DDX41: variants seen among roughly 807,000 people sequenced by gnomAD.
DDX41 encodes DEAD-box helicase 41.
Under a neutral mutation model 78.8 loss-of-function variants are expected in DDX41, and 50 were observed. The observed-to-expected ratio is 0.63, with a 90% CI of 0.51 to 0.80. DDX41 has a LOEUF of 0.80. Among genes scored for constraint, DDX41 ranks in the 30% least tolerant of loss-of-function variants. DDX41 has a pLI of 0.00. For synonymous variants in DDX41, 381 were observed against 321.5 expected, an observed-to-expected ratio of 1.19 and a Z score of -1.98; for missense variants, 633 against 849.2, an observed-to-expected ratio of 0.75 and a Z score of 3.16.
chr5:177,513,060 T>G lies in DDX41; in HGVS notation c.1253A>C (p.Glu418Ala). Reference sequence around the variant, plus strand: ...CTCGAGCAGGTACACCATCTTGGCCTCCTCCTTCACATATTCTACCTCCTG... The same window carrying G: ...CTCGAGCAGGTACACCATCTTGGCCGCCTCCTTCACATATTCTACCTCCTG... ...VIQEVEYVKE[E>A]AKMVYLLECL... Residue 418 changes from glutamate to alanine, a missense_variant, in exon 12 of 17, where the codon GAG (glutamate) becomes GCG (alanine). By Grantham distance (107) the Glu-to-Ala change is moderately radical. Around this residue, in one of 6 missense-constraint regions of DDX41, gnomAD observed 185 missense variants for 367.4 expected, o/e 0.50. Transcript: ENST00000330503. The surrounding 1 kb of genome is among the most constrained non-coding windows in gnomAD (Gnocchi z 4.6). 1 of 1,613,914 alleles carries G rather than the reference T, an allele frequency of 6.2e-7. No homozygotes were observed. Among genetic ancestry groups the G allele is most frequent in the Non-Finnish European group, 8.5e-7 (1 of 1,179,926 alleles).
chr5:177,511,612 TA>T lies in DDX41; in HGVS notation c.*178del. ...GTTTGGGCTTTAATGGCAGCTGGGGTAAAAGGAAACAAAAACAGTAATTCTG... is the reference window on the plus strand; with the variant it reads ...GTTTGGGCTTTAATGGCAGCTGGGGTAAAGGAAACAAAAACAGTAATTCTG... On this transcript the variant is annotated 3_prime_UTR_variant, in exon 17 of 17. Transcript: ENST00000330503. 3.6e-6 allele frequency: 3 copies of T among 833,874 alleles called. No individual in the cohort carries two copies. Among genetic ancestry groups the T allele is most frequent in the Non-Finnish European group, 5.4e-6 (3 of 550,992 alleles). 51.7% of individuals were successfully genotyped at this position (833,874 alleles called of 1,614,324 possible). A position where few individuals can be genotyped will look rare whatever the true frequency, so the allele number is the denominator to read the frequency against.
In DDX41 at chr5:177,515,216, G is replaced by T. The variant is rs1188918884; in HGVS notation, c.614C>A (p.Thr205Lys). Reference sequence around the variant, plus strand: ...GGGGATGCCCTGGATCTGAATGGGTGTTGGGTGGTGAATGCCTTTCTTCTT... The same window carrying T: ...GGGGATGCCCTGGATCTGAATGGGTTTTGGGTGGTGAATGCCTTTCTTCTT... The part of the protein sequence containing the change: ...GLKKKGIHHP[T>K]PIQIQGIPTI... Residue 205 changes from threonine (T) to lysine (K), a missense_variant, in exon 7 of 17, where the codon ACA becomes AAA. Physicochemically the swap from Thr to Lys is moderately conservative, Grantham distance 78 (BLOSUM62 -1). This residue lies in a region of DDX41 where 126 missense variants were observed against 115.5 expected (regional missense o/e 1.09). Transcript: ENST00000330503. 1 of 1,613,944 alleles carries T rather than the reference G, an allele frequency of 6.2e-7. No individual in the cohort carries two copies. The highest frequency in any genetic ancestry group is 1.3e-5 in the African/African-American group (1 of 74,912).
chr5:177,516,740 C>T lies in DDX41; in HGVS notation c.123G>A (p.Gln41=). 1 of 1,606,456 alleles carries T rather than the reference C, an allele frequency of 6.2e-7. No homozygotes were observed. Among genetic ancestry groups the T allele is most frequent in the Non-Finnish European group, 8.5e-7 (1 of 1,177,020 alleles). The change falls in exon 2 of 17, where the codon CAG becomes CAA. Residue 41 remains glutamine, a synonymous_variant. Coordinates refer to ENST00000330503, the MANE Select transcript of DDX41 (RefSeq NM_016222.4). The part of the protein sequence containing the change: ...EDYVPYVPLR[Q]RRQLLLQKLL... ...TGCCCCTCACCAGTAGCTGCCGGCG[C>T]TGCCGTAACGGCACATAGGGCACGT...
At position 177,515,695 on chromosome 5, in the gene DDX41, C is replaced by T; in HGVS notation, c.561G>A (p.Lys187=). ...PPPIKSFKEM[K]FPAAILRGLK... is the part of the protein sequence containing the mutation. ...CCAGCCCCTGACTACCTGCAGGAAA[C>T]TTCATTTCCTTGAAGCTCTTGATGG... Residue 187 remains lysine, a synonymous_variant, in exon 6 of 17, where the codon AAG becomes AAA. Transcript: ENST00000330503. The T allele has an allele frequency of 6.2e-7, 1 of 1,614,106 alleles. No individual in the cohort carries two copies.
chr5:177,515,090 G>A lies in DDX41; in HGVS notation c.645-21C>T, dbSNP rs114125242. The A allele has an allele frequency of 3.0e-4, 487 of 1,611,716 alleles. 3 individuals carry two copies. In the African/African-American group the frequency reaches 4.9e-3, roughly 16 times the overall value. On this transcript the variant is annotated intron_variant, in intron 7 of 16. Coordinates refer to ENST00000330503, the MANE Select transcript of DDX41 (RefSeq NM_016222.4). ...ATAGACTGTTGGGAGAGGATGACCC[G>A]AGGGCCAATTTCAACAGAAGATGAA...
chr5:177,516,797 G>A lies in DDX41; in HGVS notation c.66C>T (p.Arg22=). 1 of 1,612,676 alleles carries A rather than the reference G, an allele frequency of 6.2e-7. No homozygotes were observed. Among genetic ancestry groups the A allele is most frequent in the Non-Finnish European group, 8.5e-7 (1 of 1,179,826 alleles). The change falls in exon 2 of 17, where the codon CGC becomes CGT. Residue 22 remains arginine, a synonymous_variant. Transcript: ENST00000330503. ...CGTCGTCCTCATCTTCCGCCTCGGAGCGGCTTCCTCCGGCAGGCACCTCGT... is the reference window on the plus strand; with the variant it reads ...CGTCGTCCTCATCTTCCGCCTCGGAACGGCTTCCTCCGGCAGGCACCTCGT... ...RTDEVPAGGS[R]SEAEDEDDED... is the part of the protein sequence containing the mutation.
rs1761050435 is a variant in DDX41, at chr5:177,513,030, A to G, written c.1283T>C (p.Leu428Pro). 1.2e-6 allele frequency: 2 copies of G among 1,613,760 alleles called. No homozygotes were observed. Among genetic ancestry groups the G allele is most frequent in the Non-Finnish European group, 1.7e-6 (2 of 1,179,836 alleles). Reference sequence around the variant, plus strand: ...ACTCACAGGCGGGGGTGTCTTCTGCAGGCACTCGAGCAGGTACACCATCTT... The same window carrying G: ...ACTCACAGGCGGGGGTGTCTTCTGCGGGCACTCGAGCAGGTACACCATCTT... ...EAKMVYLLEC[L>P]QKTPPPVLIF... The change falls in exon 12 of 17, where the codon CTG becomes CCG. Residue 428 changes from leucine (L) to proline (P), a missense_variant. Physicochemically the swap from Leu to Pro is moderately conservative, Grantham distance 98. Transcript: ENST00000330503. The surrounding 1 kb of genome is among the most constrained non-coding windows in gnomAD (Gnocchi z 4.6).
In DDX41 at chr5:177,512,622, T is replaced by C; in HGVS notation, c.1423A>G (p.Ile475Val). 6.2e-7 allele frequency: 1 copy of C among 1,614,136 alleles called. No individual in the cohort carries two copies. The highest frequency in any genetic ancestry group is 8.5e-7 in the Non-Finnish European group (1 of 1,180,034). Residue 475 changes from isoleucine (I) to valine (V), a missense_variant, in exon 14 of 17, where the codon ATC becomes GTC. Physicochemically the swap from Ile to Val is conservative, Grantham distance 29 (BLOSUM62 3). Transcript: ENST00000330503. Reference sequence around the variant, plus strand: ...TTCTTGCCCTCCCGGAATGCCTCGATGGCCTTAGTCCGTTCCTCCTGGTCT... The same window carrying C: ...TTCTTGCCCTCCCGGAATGCCTCGACGGCCTTAGTCCGTTCCTCCTGGTCT... ...GKDQEERTKA[I>V]EAFREGKKDV...
rs1006076631 is a variant in DDX41, at chr5:177,513,262, A to G, written c.1230+91T>C. ...TTGAATGAAACCCCCGGTTCCCACA[A>G]GGTGGACCCCCGGCTCCAATCAGCT... On this transcript the variant is annotated intron_variant, in intron 11 of 16. Coordinates refer to ENST00000330503, the MANE Select transcript of DDX41 (RefSeq NM_016222.4). The surrounding 1 kb of genome is among the most constrained non-coding windows in gnomAD (Gnocchi z 4.6). 4 of 1,581,270 alleles carry G rather than the reference A, an allele frequency of 2.5e-6. No individual in the cohort carries two copies. Among genetic ancestry groups the G allele is most frequent in the Non-Finnish European group, 3.5e-6 (4 of 1,158,856 alleles).
chr5:177,511,836 G>A lies in DDX41; in HGVS notation c.1824C>T (p.Asn608=). ...LEAMQTKQVS[N]IGRKDYLAHS... ...GGGCCAGGTAGTCCTTGCGACCGAT[G>A]TTGCTGACCTGCTTGGTCTGCATAG... The change falls in exon 17 of 17, where the codon AAC becomes AAT. Residue 608 remains asparagine, a synonymous_variant. Coordinates refer to ENST00000330503, the MANE Select transcript of DDX41 (RefSeq NM_016222.4). 6.2e-7 allele frequency: 1 copy of A among 1,614,182 alleles called. No homozygotes were observed. The highest frequency in any genetic ancestry group is 8.5e-7 in the Non-Finnish European group (1 of 1,180,028).
At chr5:177,516,624 A>G (rs970686828) in intron 2 of DDX41, 101 bp downstream of exon 2, 1 of 1,393,448 alleles carries the variant, frequency 7.2e-7, no homozygotes, top group Non-Finnish European at 9.9e-7. Context: ...ACTGAAGCTC[A>G]CTCCTCAGAC....
chr5:177,516,940 C>T lies in DDX41; in HGVS notation c.6G>A (p.Glu2=), dbSNP rs138435584. Residue 2 remains glutamate (E), a synonymous_variant, in exon 1 of 17, where the codon GAG becomes GAA. Coordinates refer to ENST00000330503, the MANE Select transcript of DDX41 (RefSeq NM_016222.4). M[E]ESEPERKRAR... ...CTACCTTCCGTTCGGGTTCCGACTC[C>T]TCCATTCTTTGCTGCACGCATGCGC... The T allele has an allele frequency of 2.5e-6, 4 of 1,612,876 alleles. No homozygotes were observed. Among genetic ancestry groups the T allele is most frequent in the South Asian group, 1.1e-5 (1 of 91,060 alleles).
chr5:177,516,873 T>G (rs1761263380), intron 1 of DDX41, 38 bp from the exon 2 acceptor site: 1 of 1,613,118 alleles, frequency 6.2e-7, no homozygotes, highest in African/African-American at 1.3e-5. Flanking sequence ...CCTGCTCCCC[T>G]CTTCACGCCC....
Position 177,513,885 on chromosome 5 carries a change from G to A in DDX41, c.936-38C>T, listed in dbSNP as rs750630853. The A allele has an allele frequency of 4.4e-6, 7 of 1,606,758 alleles. No individual in the cohort carries two copies. Among genetic ancestry groups the A allele is most frequent in the South Asian group, 1.1e-5 (1 of 90,826 alleles). On this transcript the variant is annotated intron_variant, in intron 9 of 16. Transcript: ENST00000330503. This position sits in a 1 kb window ranked among gnomAD's most constrained non-coding sequence, Gnocchi z 4.6. Reference sequence around the variant, plus strand: ...GAGAGACCCTGAGGTTGGGGCCACTGGCCTATCACCTATCTAGAGGCAAGC... The same window carrying A: ...GAGAGACCCTGAGGTTGGGGCCACTAGCCTATCACCTATCTAGAGGCAAGC...
At chr5:177,516,521 G>C in intron 2 of DDX41, 74 bp from the exon 3 acceptor site, 2 of 1,570,158 alleles carry the variant, frequency 1.3e-6, no homozygotes, top group Admixed American at 1.7e-5. Context: ...TCCTGGCTTT[G>C]GGGCGAGGAT....
Position 177,513,299 on chromosome 5 carries a change from T to G in DDX41, c.1230+54A>C, listed in dbSNP as rs1170818660. ...GGCTCCAATCAGCTTCAGGGAGACT[T>G]GTCAGATCCAGCCCCCACAGGTGAG... On this transcript the variant is annotated intron_variant, in intron 11 of 16. Coordinates refer to ENST00000330503, the MANE Select transcript of DDX41 (RefSeq NM_016222.4). The surrounding 1 kb of genome is among the most constrained non-coding windows in gnomAD (Gnocchi z 4.6). 3 of 1,610,650 alleles carry G rather than the reference T, an allele frequency of 1.9e-6. No homozygotes were observed. The highest frequency in any genetic ancestry group is 1.3e-5 in the African/African-American group (1 of 74,848).
chr5:177,514,882 T>A lies in DDX41; in HGVS notation c.798+34A>T. The A allele has an allele frequency of 6.2e-7, 1 of 1,603,846 alleles. No individual in the cohort carries two copies. The highest frequency in any genetic ancestry group is 8.5e-7 in the Non-Finnish European group (1 of 1,172,080). On this transcript the variant is annotated intron_variant, in intron 8 of 16. Coordinates refer to ENST00000330503, the MANE Select transcript of DDX41 (RefSeq NM_016222.4). This position sits in a 1 kb window ranked among gnomAD's most constrained non-coding sequence, Gnocchi z 4.2. Reference sequence around the variant, plus strand: ...GGCTGGCACCAGATGGCAGCCCCAATCTCTGGCCTGCCCTCCAGGCCAGCC... The same window carrying A: ...GGCTGGCACCAGATGGCAGCCCCAAACTCTGGCCTGCCCTCCAGGCCAGCC...
chr5:177,513,393 T>C lies in DDX41; in HGVS notation c.1190A>G (p.Asn397Ser). 1 of 1,614,024 alleles carries C rather than the reference T, an allele frequency of 6.2e-7. No individual in the cohort carries two copies. The highest frequency in any genetic ancestry group is 8.5e-7 in the Non-Finnish European group (1 of 1,179,992). ...KSALVKPVTI[N>S]VGRAGAASLD... ...GCTGGCAGCCCCAGCGCGCCCCACA[T>C]TGATGGTCACAGGCTTTACAAGGGC... Residue 397 changes from asparagine (N) to serine (S), a missense_variant, in exon 11 of 17, where the codon AAT (asparagine) becomes AGT (serine). By Grantham distance (46) the Asn-to-Ser change is conservative. Coordinates refer to ENST00000330503, the MANE Select transcript of DDX41 (RefSeq NM_016222.4). The surrounding 1 kb of genome is among the most constrained non-coding windows in gnomAD (Gnocchi z 4.6).
intron 6 of DDX41, 66 bp downstream of exon 6, chr5:177,515,619 G>A: frequency 1.3e-6 from 2 of 1,585,310 alleles, no homozygotes; most frequent in South Asian, 1.1e-5. Context: ...CTCAGTGGGA[G>A]CCAGGACATA....
Sources: allele counts gnomAD v4.1 joint callset, GRCh38; gene constraint gnomAD v4.1.1; regional missense constraint gnomAD v4.1.1; non-coding constraint Gnocchi (gnomAD v3.1); transcripts MANE v1.5; gene names NCBI Gene and HGNC (gene_info 2026-07-23, HGNC 2026-07-21).